The following LDHA variants were observed in gnomAD, a reference collection of about 807,000 sequenced individuals.
LDHA encodes the protein L-lactate dehydrogenase A chain.
A neutral mutation model predicts 36.3 loss-of-function variants in LDHA; 10 were observed. The ratio of observed to expected loss-of-function variants is 0.28; its 90% confidence interval spans 0.17 to 0.47. The LOEUF (loss-of-function observed/expected upper bound fraction) is 0.47, where lower values mean the gene tolerates loss of function less well. LDHA is among the 20% of genes least tolerant of loss of function. The pLI is 0.99. For missense variants in LDHA, 267 were observed against 405.8 expected, an observed-to-expected ratio of 0.66 and a Z score of 2.94; for synonymous variants, 110 against 136.7, an observed-to-expected ratio of 0.80 and a Z score of 1.36.
In LDHA at chr11:18,403,083, C is replaced by T; in HGVS notation, c.592+70C>T. 4 of 1,257,494 alleles carry T rather than the reference C, an allele frequency of 3.2e-6. No individual in the cohort carries two copies. The South Asian group carries it at 5.0e-5, about 16-fold the overall frequency. 77.9% of individuals were successfully genotyped at this position (1,257,494 alleles called of 1,614,324 possible). On this transcript the variant is annotated intron_variant, in intron 5 of 7. Transcript: ENST00000422447. Reference sequence around the variant, plus strand: ...AAAAGTCGATGGGCATTATATTATTCAATTAGAGCCTAATCAAATATCCAT... The same window carrying T: ...AAAAGTCGATGGGCATTATATTATTTAATTAGAGCCTAATCAAATATCCAT...
At chr11:18,400,450 C>CGAA in intron 3 of LDHA, 1 of 16,166 alleles carries the variant, frequency 6.2e-5, no homozygotes, top group Non-Finnish European at 2.2e-4. Flanking sequence ...CACACACACA[C>CGAA]ACACACACAC....
At position 18,403,708 on chromosome 11, in the gene LDHA, G is replaced by A. The variant is rs1287059546; in HGVS notation, c.607G>A (p.Gly203Arg). The A allele has an allele frequency of 1.9e-6, 3 of 1,587,778 alleles. No individual in the cohort carries two copies. Among genetic ancestry groups the A allele is most frequent in the East Asian group, 4.5e-5 (2 of 44,746 alleles). ...ATTTCTTTTAGTGCCTGTATGGAGT[G>A]GAATGAATGTTGCTGGTGTCTCTCT... ...HGDSSVPVWS[G>R]MNVAGVSLKT... The change falls in exon 6 of 8, where the codon GGA (glycine) becomes AGA (arginine). Residue 203 changes from glycine to arginine, a missense_variant. Physicochemically the swap from Gly to Arg is moderately radical, Grantham distance 125. Transcript: ENST00000422447.
chr11:18,401,955 C>CTTT (rs1554961218), intron 4 of LDHA, among the ~76,000 whole-genome samples: 2,096 of 52,256 alleles, frequency 0.04, 223 homozygotes, highest in African/African-American at 0.12. Flanking sequence ...TTGTTATTCT[C>CTTT]TTTTTTTTTT....
At chr11:18,404,965 A>G (rs1318950390) in intron 6 of LDHA, among the ~76,000 whole-genome samples, 1 of 152,198 alleles carries the variant, frequency 6.6e-6, no homozygotes, top group Non-Finnish European at 1.5e-5. Context: ...TTGTTGAATC[A>G]GAATTTAGTA....
Position 18,402,829 on chromosome 11 carries a change from CT to C in LDHA, c.419-6del. Reference sequence around the variant, plus strand: ...GATAATGGGTGATTTTTATTTTCTCCTTTTTCATAGTGGATATCTTGACCTA... The same window carrying C: ...GATAATGGGTGATTTTTATTTTCTCCTTTTCATAGTGGATATCTTGACCTA... On this transcript the variant is annotated splice_polypyrimidine_tract_variant and intron_variant, in intron 4 of 7. Transcript: ENST00000422447. The C allele has an allele frequency of 1.9e-6, 3 of 1,606,742 alleles. No homozygotes were observed. The highest frequency in any genetic ancestry group is 2.6e-6 in the Non-Finnish European group (3 of 1,173,666).
Position 18,402,915 on chromosome 11 carries a change from T to G in LDHA, c.494T>G (p.Leu165Arg). The change falls in exon 5 of 8, where the codon CTG (leucine) becomes CGG (arginine). Residue 165 changes from leucine to arginine, a missense_variant. By Grantham distance (102) the Leu-to-Arg change is moderately radical. Coordinates refer to ENST00000422447, the MANE Select transcript of LDHA (RefSeq NM_005566.4). Reference protein sequence around the residue: ...KNRVIGSGCNLDSARFRYLMG... With the variant: ...KNRVIGSGCNRDSARFRYLMG... ...CGTGTTATTGGAAGCGGTTGCAATC[T>G]GGATTCAGCCCGATTCCGTTACCTA... is the stretch of plus-strand genomic sequence containing the variant. 1 of 1,612,518 alleles carries G rather than the reference T, an allele frequency of 6.2e-7. No homozygotes were observed. Among genetic ancestry groups the G allele is most frequent in the Non-Finnish European group, 8.5e-7 (1 of 1,178,544 alleles).
intron 6 of LDHA, among the ~76,000 whole-genome samples, chr11:18,404,825 A>C (rs1866627067): frequency 6.6e-6 from 1 of 151,890 alleles, no homozygotes; most frequent in Non-Finnish European, 1.5e-5. Flanking sequence ...AAAGAATCAT[A>C]ATCTTTAGTT....
intron 5 of LDHA, 36 bp from the exon 6 acceptor site, chr11:18,403,658 C>G: frequency 8.3e-7 from 1 of 1,199,212 alleles, no homozygotes; most frequent in Non-Finnish European, 1.2e-6. Flanking sequence ...TCTGTTGGTA[C>G]ATGAAAATAA....
chr11:18,400,407 A>G, intron 3 of LDHA: 1 of 277,372 alleles, frequency 3.6e-6, no homozygotes, highest in Non-Finnish European at 7.0e-6. Flanking sequence ...CTGCTTAAAA[A>G]CAAGTCCCCC....
chr11:18,406,042 C>T (rs971226156), intron 7 of LDHA, among the ~76,000 whole-genome samples: 8 of 152,126 alleles, frequency 5.3e-5, no homozygotes, highest in Admixed American at 3.3e-4. Context: ...CTCGGCTCAC[C>T]GCAACCTCTG....
At chr11:18,400,687 T>C (rs1459796406) in intron 3 of LDHA, 150 bp from the exon 4 acceptor site, 1 of 697,974 alleles carries the variant, frequency 1.4e-6, no homozygotes, top group Non-Finnish European at 2.6e-6. Context: ...AAGGAAGATG[T>C]TGACATGCTC....
Position 18,394,593 on chromosome 11 carries a change from C to T in LDHA, c.-68C>T, listed in dbSNP as rs1356719751. The stretch of plus-strand genomic sequence containing the variant: ...GCAGCCGCTGCCGCCGATTCCGGAT[C>T]TCATTGCCACGCGCCCCCGACGACC... On this transcript the variant is annotated 5_prime_UTR_variant, in exon 1 of 8. Transcript: ENST00000422447. 1 of 454,028 alleles carries T rather than the reference C, an allele frequency of 2.2e-6. No individual in the cohort carries two copies. The highest frequency in any genetic ancestry group is 2.0e-5 in the African/African-American group (1 of 50,014). 28.1% of individuals were successfully genotyped at this position (454,028 alleles called of 1,614,324 possible).
chr11:18,405,854 T>C (rs1018162001), intron 7 of LDHA: 3 of 358,566 alleles, frequency 8.4e-6, no homozygotes, highest in Non-Finnish European at 1.6e-5. Context: ...TATTTCTCCA[T>C]TGGGGAAAAT....
In LDHA at chr11:18,408,228, T is replaced by G. The variant is rs1021910654; in HGVS notation, c.*947T>G. 1.1e-5 allele frequency: 5 copies of G among 453,962 alleles called. No individual in the cohort carries two copies. Among genetic ancestry groups the G allele is most frequent in the African/African-American group, 6.0e-5 (3 of 50,000 alleles). 28.1% of individuals were successfully genotyped at this position (453,962 alleles called of 1,614,324 possible). On this transcript the variant is annotated 3_prime_UTR_variant, in exon 8 of 8. Transcript: ENST00000422447. ...CAATCTTAAGGCAGGGTGCAGTGGC[T>G]CATGCCTATAATCCCAGCACTTTGG...
intron 3 of LDHA, chr11:18,400,539 A>T: frequency 2.4e-6 from 1 of 415,384 alleles, no homozygotes; most frequent in Non-Finnish European, 4.6e-6. Flanking sequence ...AGGAGTATGG[A>T]AGAGTGTGAA....
intron 1 of LDHA, 76 bp downstream of exon 1, chr11:18,394,712 C>A (rs975533781): frequency 2.2e-6 from 1 of 449,522 alleles, no homozygotes; most frequent in Non-Finnish European, 4.5e-6. Context: ...CTGCTGGCCT[C>A]CGCTGCTCGC....
At position 18,402,933 on chromosome 11, in the gene LDHA, G is replaced by A. The variant is rs760172008; in HGVS notation, c.512G>A (p.Arg171His). The A allele has an allele frequency of 4.0e-5, 65 of 1,612,534 alleles. No homozygotes were observed. Among genetic ancestry groups the A allele is most frequent in the Middle Eastern group, 1.6e-4 (1 of 6,078 alleles). ...SGCNLDSARFRYLMGERLGVH... is the reference protein window; with the variant it reads ...SGCNLDSARFHYLMGERLGVH... The stretch of plus-strand genomic sequence containing the variant: ...TGCAATCTGGATTCAGCCCGATTCC[G>A]TTACCTAATGGGGGAAAGGCTGGGA... Residue 171 changes from arginine to histidine, a missense_variant, in exon 5 of 8, where the codon CGT becomes CAT. Coordinates refer to ENST00000422447, the MANE Select transcript of LDHA (RefSeq NM_005566.4).
chr11:18,407,819 TA>T lies in LDHA; in HGVS notation c.*542del. ...CCAACTATCCAAGTGTTATACCAAC[TA>T]AAACCCCCAATAAACCTTGAACAGT... On this transcript the variant is annotated 3_prime_UTR_variant, in exon 8 of 8. Coordinates refer to ENST00000422447, the MANE Select transcript of LDHA (RefSeq NM_005566.4). 2.2e-6 allele frequency: 1 copy of T among 454,892 alleles called. No individual in the cohort carries two copies. Among genetic ancestry groups the T allele is most frequent in the South Asian group, 1.6e-5 (1 of 64,476 alleles). 28.2% of individuals were successfully genotyped at this position (454,892 alleles called of 1,614,324 possible).
chr11:18,396,881 A>C lies in LDHA; in HGVS notation c.39A>C (p.Leu13=), dbSNP rs371221146. Residue 13 remains leucine, a synonymous_variant, in exon 2 of 8, where the codon CTA becomes CTC. Coordinates refer to ENST00000422447, the MANE Select transcript of LDHA (RefSeq NM_005566.4). ...TLKDQLIYNL[L]KEEQTPQNKI... ...AGGATCAGCTGATTTATAATCTTCT[A>C]AAGGAAGAACAGACCCCCCAGAATA... 18 of 1,613,396 alleles carry C rather than the reference A, an allele frequency of 1.1e-5. No homozygotes were observed. In the East Asian group the frequency reaches 2.0e-4, roughly 18 times the overall value.
Sources: allele counts gnomAD v4.1 joint callset (sites outside exome capture counted in the v4.1 genomes callset), GRCh38; gene constraint gnomAD v4.1.1; transcripts MANE v1.5; gene names NCBI Gene and HGNC (gene_info 2026-07-23, HGNC 2026-07-21).